The following GRM7 variants were observed in gnomAD, a reference collection of about 807,000 sequenced individuals.
GRM7 encodes the protein glutamate metabotropic receptor 7.
Under a neutral mutation model 84.5 loss-of-function variants are expected in GRM7, and 35 were observed. The ratio of observed to expected loss-of-function variants is 0.41; its 90% CI spans 0.32 to 0.55. The LOEUF is 0.55. GRM7 is among the 20% of genes least tolerant of loss of function. The pLI is 0.19. For synonymous variants in GRM7, 487 were observed against 455.1 expected (o/e 1.07, Z -0.89); for missense variants, 1,003 against 1,194.6 (o/e 0.84, Z 2.36).
chr3:7,339,910 A>C (rs1194292908), intron 4 of GRM7, among the ~76,000 whole-genome samples: 6 of 152,100 alleles, frequency 3.9e-5, no homozygotes, highest in Non-Finnish European at 8.8e-5. Flanking sequence ...GAAAAATACA[A>C]GTAATCCACG....
chr3:7,293,089 TA>T (rs1159491043), intron 2 of GRM7, among the ~76,000 whole-genome samples: 41 of 151,760 alleles, frequency 2.7e-4, no homozygotes, highest in Non-Finnish European at 1.5e-4. Flanking sequence ...AAATATTTGC[TA>T]AATAAAATTG....
At chr3:7,490,992 TTTACA>T (rs1426607752) in intron 7 of GRM7, among the ~76,000 whole-genome samples, 2 of 151,988 alleles carry the variant, frequency 1.3e-5, no homozygotes, top group Non-Finnish European at 2.9e-5. Context: ...ATTAAAATAT[TTTACA>T]TTACAAATAA....
At chr3:7,026,015 C>A (rs759014641) in intron 1 of GRM7, among the ~76,000 whole-genome samples, 5 of 152,182 alleles carry the variant, frequency 3.3e-5, no homozygotes, top group Non-Finnish European at 7.3e-5. Flanking sequence ...TCCCCCAACA[C>A]CCCTGACAAT....
chr3:7,437,497 A>G (rs966147131), intron 5 of GRM7, among the ~76,000 whole-genome samples: 3 of 152,176 alleles, frequency 2.0e-5, no homozygotes, highest in Non-Finnish European at 2.9e-5. Flanking sequence ...TTTTTTAGAT[A>G]GTACTAACTA....
intron 1 of GRM7, among the ~76,000 whole-genome samples, chr3:7,030,808 T>G (rs1157987838): frequency 6.6e-6 from 1 of 152,210 alleles, no homozygotes; most frequent in Non-Finnish European, 1.5e-5. Flanking sequence ...CAATTTAAAT[T>G]ATCTGAATGA....
Position 7,644,019 on chromosome 3 carries a change from T to TATAC in GRM7, c.2452-36029_2452-36028insTACA, listed in dbSNP as rs1453308790. On this transcript the variant is annotated intron_variant, in intron 8 of 9. Coordinates refer to ENST00000357716, the MANE Select transcript of GRM7 (RefSeq NM_000844.4). ...TGTGTGCACCATGTATATATATATATACACACACACACACACCATATATAA... is the reference window on the plus strand; with the variant it reads ...TGTGTGCACCATGTATATATATATATATACACACACACACACACACCATATATAA... 1.6e-4 allele frequency among the ~76,000 whole-genome samples: 14 copies of TATAC among 88,958 alleles called. No individual in the cohort carries two copies. In the South Asian group the frequency reaches 1.6e-3, roughly 10 times the overall value. The allele number at this position is 88,958 out of a possible 152,430, so 58.4% of individuals were successfully genotyped here.
intron 4 of GRM7, among the ~76,000 whole-genome samples, chr3:7,339,898 A>G (rs990820188): frequency 1.3e-5 from 2 of 152,058 alleles, no homozygotes; most frequent in African/African-American, 4.8e-5. Context: ...AGAGCAGAAG[A>G]AGAAAAATAC....
rs1400814512 is a variant in GRM7, at chr3:7,685,325, A to C, written c.2698+5030A>C. Among the ~76,000 whole-genome samples, 4 of 152,172 alleles carry C rather than the reference A, an allele frequency of 2.6e-5. No individual in the cohort carries two copies. In the South Asian group the frequency reaches 8.3e-4, roughly 32 times the overall value. ...TCACAGTGAAGAGAGGCCTGGCCCT[A>C]AGCTACCTTTCTCTTAAGCTACCAT... On this transcript the variant is annotated intron_variant, in intron 9 of 9. Coordinates refer to ENST00000357716, the MANE Select transcript of GRM7 (RefSeq NM_000844.4).
intron 4 of GRM7, among the ~76,000 whole-genome samples, chr3:7,414,726 A>C (rs1273408250): frequency 6.6e-6 from 1 of 152,108 alleles, no homozygotes; most frequent in African/African-American, 2.4e-5. Context: ...AGGGATGCAG[A>C]ATGTGGCATA....
chr3:6,870,756 A>G (rs546753095), intron 1 of GRM7, among the ~76,000 whole-genome samples: 7 of 152,206 alleles, frequency 4.6e-5, no homozygotes, highest in East Asian at 1.9e-4. Context: ...AGAATGTGGG[A>G]TGTGAAAGAA....
intron 9 of GRM7, among the ~76,000 whole-genome samples, chr3:7,685,471 G>A (rs919670955): frequency 6.6e-6 from 1 of 152,130 alleles, no homozygotes; most frequent in Admixed American, 6.6e-5. Flanking sequence ...GGTGGACAGC[G>A]AGGGACACAC....
chr3:7,641,649 T>C (rs963273023), intron 8 of GRM7, among the ~76,000 whole-genome samples: 14 of 152,194 alleles, frequency 9.2e-5, no homozygotes, highest in African/African-American at 3.1e-4. Flanking sequence ...CAGATGATTC[T>C]AATGTACAGC....
intron 2 of GRM7, among the ~76,000 whole-genome samples, chr3:7,213,850 T>C (rs533036253): frequency 2.0e-5 from 3 of 152,216 alleles, no homozygotes; most frequent in South Asian, 4.1e-4. Context: ...CTGGGAGAGT[T>C]AGGGCCTTGG....
chr3:7,149,061 C>G (rs1338774389), intron 2 of GRM7, among the ~76,000 whole-genome samples: 2 of 151,968 alleles, frequency 1.3e-5, no homozygotes, highest in Non-Finnish European at 2.9e-5. Flanking sequence ...AAGTATCCTT[C>G]TTTTATACAT....
chr3:7,324,745 C>T (rs981133825), intron 4 of GRM7, among the ~76,000 whole-genome samples: 10 of 151,830 alleles, frequency 6.6e-5, no homozygotes, highest in East Asian at 5.8e-4. Context: ...TTCAAGTTCC[C>T]GGGAACCATC....
intron 2 of GRM7, among the ~76,000 whole-genome samples, chr3:7,191,190 C>T (rs532759863): frequency 6.6e-6 from 1 of 152,180 alleles, no homozygotes; most frequent in Non-Finnish European, 1.5e-5. Flanking sequence ...TCAGTGCTTC[C>T]TCCATGAGTC....
chr3:7,607,236 T>C (rs1207595665), intron 8 of GRM7: 2 of 152,140 alleles, frequency 1.3e-5, no homozygotes, highest in Non-Finnish European at 2.9e-5. Context: ...CTTTTATCTT[T>C]GCTATCTTCC....
intron 2 of GRM7, among the ~76,000 whole-genome samples, chr3:7,197,798 C>T (rs1695928581): frequency 2.0e-5 from 3 of 151,504 alleles, no homozygotes; most frequent in Non-Finnish European, 2.9e-5. Flanking sequence ...TACTGTCATG[C>T]TTAACAATTC....
intron 5 of GRM7, among the ~76,000 whole-genome samples, chr3:7,429,837 T>C (rs935808107): frequency 1.3e-5 from 2 of 152,220 alleles, no homozygotes; most frequent in Non-Finnish European, 2.9e-5. Flanking sequence ...TGCCTAATTT[T>C]TCCTTGTAAA....
Sources: gnomAD v4.1 joint callset for allele counts (sites outside exome capture counted in the v4.1 genomes callset) on GRCh38, gnomAD v4.1.1 for gene constraint, MANE v1.5 for transcripts, NCBI Gene and HGNC (gene_info 2026-07-23, HGNC 2026-07-21) for gene names.